The following C1QTNF3 variants were observed in gnomAD, a reference collection of about 807,000 sequenced individuals.
The protein encoded by C1QTNF3 is complement C1q tumor necrosis factor-related protein 3.
C1QTNF3 carries 26 observed loss-of-function variants against 32.6 expected under a neutral mutation model. That is an observed-to-expected ratio of 0.80 (90% CI 0.58 to 1.11). The LOEUF (loss-of-function observed/expected upper bound fraction) is 1.11, where lower values mean the gene tolerates loss of function less well. Ranked by LOEUF, C1QTNF3 falls within the 50% of genes least tolerant of loss-of-function variation. C1QTNF3 has a pLI of 0.00. For missense variants in C1QTNF3, 362 were observed against 398.2 expected, an observed-to-expected ratio of 0.91 and a Z score of 0.77; for synonymous variants, 155 against 146.0, an observed-to-expected ratio of 1.06 and a Z score of -0.44.
chr5:34,031,580 C>T (rs1000703799), intron 3 of C1QTNF3, among the ~76,000 whole-genome samples: 31 of 152,292 alleles, frequency 2.0e-4, no homozygotes, highest in Middle Eastern at 3.4e-3. Context: ...CACCTGTAAT[C>T]CCAGCACTTT....
chr5:34,136,182 C>A, the C1QTNF3 span, among the ~76,000 whole-genome samples: 1 of 152,206 alleles, frequency 6.6e-6, no homozygotes, highest in African/African-American at 2.4e-5. Flanking sequence ...TTCTGCATGG[C>A]AAAAGAAACT....
chr5:34,210,996 A>C, the C1QTNF3 span, among the ~76,000 whole-genome samples: 1 of 151,974 alleles, frequency 6.6e-6, no homozygotes, highest in African/African-American at 2.4e-5. Context: ...AGACAAATCC[A>C]AAAACACTGC....
At chr5:34,074,079 G>C in the C1QTNF3 span, among the ~76,000 whole-genome samples, 1 of 152,096 alleles carries the variant, frequency 6.6e-6, no homozygotes. Context: ...CTATGCCCTA[G>C]TTGCAATGCT....
the C1QTNF3 span, among the ~76,000 whole-genome samples, chr5:34,241,226 C>G: frequency 6.6e-6 from 1 of 152,252 alleles, no homozygotes. Context: ...AGAAATGAAA[C>G]AAGCCAAGGA....
In C1QTNF3 at chr5:34,019,213, T is replaced by A. The variant is rs1754266801; in HGVS notation, c.*1370A>T. Among the ~76,000 whole-genome samples the A allele has an allele frequency of 1.3e-5, 2 of 152,226 alleles. No homozygotes were observed. The highest frequency in any genetic ancestry group is 1.3e-4 in the Admixed American group (2 of 15,274). On this transcript the variant is annotated 3_prime_UTR_variant, in exon 6 of 6. Coordinates refer to ENST00000382065, the MANE Select transcript of C1QTNF3 (RefSeq NM_181435.6). ...TGACACCTACCTACTGTTTCCTTTT[T>A]AGCATCTCAGTTTTGGGACACTTGT... is the stretch of plus-strand genomic sequence containing the variant.
At position 34,033,485 on chromosome 5, in the gene C1QTNF3, A is replaced by G. The variant is rs1554008010; in HGVS notation, c.416-27T>C. The G allele has an allele frequency of 4.3e-6, 7 of 1,613,932 alleles. No homozygotes were observed. In the South Asian group the frequency reaches 6.6e-5, roughly 15 times the overall value. ...TTAAACAACCAGACATCATCACATG[A>G]GAAAACCCAGTCACTCATACTTACC... On this transcript the variant is annotated intron_variant, in intron 2 of 5. Transcript: ENST00000382065.
At chr5:34,051,508 G>A in the C1QTNF3 span, among the ~76,000 whole-genome samples, 4 of 152,102 alleles carry the variant, frequency 2.6e-5, no homozygotes, top group African/African-American at 4.8e-5. Context: ...ATAAGTAAAC[G>A]GAAAATATAA....
chr5:34,118,509 CTTTT>C, the C1QTNF3 span, among the ~76,000 whole-genome samples: 4 of 152,102 alleles, frequency 2.6e-5, no homozygotes, highest in Non-Finnish European at 5.9e-5. Context: ...GAATGTCTTT[CTTTT>C]GTCTTCAGTT....
At chr5:34,092,469 T>C in the C1QTNF3 span, among the ~76,000 whole-genome samples, 1 of 150,490 alleles carries the variant, frequency 6.6e-6, no homozygotes, top group South Asian at 2.1e-4. Flanking sequence ...AAAATTAATC[T>C]CCAAATTATA....
the C1QTNF3 span, among the ~76,000 whole-genome samples, chr5:34,157,630 T>G: frequency 5.1e-4 from 77 of 152,316 alleles, no homozygotes; most frequent in Non-Finnish European, 8.8e-4. Flanking sequence ...GAAAGAGAGA[T>G]GTGACTATAG....
chr5:34,239,377 T>A, the C1QTNF3 span: 2 of 152,164 alleles, frequency 1.3e-5, no homozygotes, highest in African/African-American at 4.8e-5. Flanking sequence ...AGGCTCACCA[T>A]CTGTAGTCTT....
At chr5:34,160,250 CCTGT>C in the C1QTNF3 span, among the ~76,000 whole-genome samples, 2 of 152,146 alleles carry the variant, frequency 1.3e-5, no homozygotes, top group Non-Finnish European at 2.9e-5. Context: ...GGACAGAACA[CCTGT>C]CTAACAGAAC....
chr5:34,069,547 T>A, the C1QTNF3 span, among the ~76,000 whole-genome samples: 1,405 of 152,284 alleles, frequency 9.2e-3, 14 homozygotes, highest in South Asian at 0.055. Context: ...CTGACCTCAG[T>A]TAACTATGAC....
At chr5:34,086,085 T>C in the C1QTNF3 span, among the ~76,000 whole-genome samples, 85 of 150,000 alleles carry the variant, frequency 5.7e-4, 2 homozygotes, top group East Asian at 0.015. Flanking sequence ...GTGGCACATA[T>C]ACACCATGGA....
chr5:34,133,117 G>A, the C1QTNF3 span, among the ~76,000 whole-genome samples: 2,083 of 152,298 alleles, frequency 0.014, 53 homozygotes, highest in African/African-American at 0.049. Flanking sequence ...TGAAAGGACA[G>A]GGATCATATC....
intron 4 of C1QTNF3, among the ~76,000 whole-genome samples, chr5:34,028,245 T>C (rs1048798467): frequency 3.9e-5 from 6 of 152,218 alleles, no homozygotes; most frequent in Non-Finnish European, 8.8e-5. Context: ...GTGCTGGGAT[T>C]ACAGGCATGA....
chr5:34,036,164 A>G (rs1226286415), intron 1 of C1QTNF3, among the ~76,000 whole-genome samples: 2 of 152,238 alleles, frequency 1.3e-5, no homozygotes, highest in Non-Finnish European at 2.9e-5. Context: ...TGGTCCTCAA[A>G]TTACAAGAAT....
chr5:34,079,960 G>A, the C1QTNF3 span, among the ~76,000 whole-genome samples: 1 of 151,634 alleles, frequency 6.6e-6, no homozygotes, highest in Non-Finnish European at 1.5e-5. Context: ...AAACAAGAAG[G>A]AAATAAGAAA....
chr5:34,020,874 G>T, intron 5 of C1QTNF3, 132 bp from the exon 6 acceptor site: 1 of 898,298 alleles, frequency 1.1e-6, no homozygotes. Context: ...CAGCCTGTGA[G>T]CAGAAATGAC....
Sources: allele counts gnomAD v4.1 joint callset (sites outside exome capture counted in the v4.1 genomes callset), GRCh38; gene constraint gnomAD v4.1.1; transcripts MANE v1.5; gene names NCBI Gene and HGNC (gene_info 2026-07-23, HGNC 2026-07-21).